ADORA2B: variants seen among roughly 807,000 people sequenced by gnomAD.
ADORA2B encodes adenosine receptor A2b.
A neutral mutation model predicts 20.8 loss-of-function variants in ADORA2B; 18 were observed. That is an observed-to-expected ratio of 0.87 (90% CI 0.60 to 1.29). The LOEUF is 1.29. ADORA2B is among the 50% of genes most tolerant of loss of function. ADORA2B has a pLI of 0.00. For missense variants in ADORA2B, 441 were observed against 422.7 expected (o/e 1.04, Z -0.38); for synonymous variants, 179 against 178.3 (o/e 1.00, Z -0.03).
the ADORA2B span, among the ~76,000 whole-genome samples, chr17:15,859,218 C>A: frequency 6.6e-6 from 1 of 152,098 alleles, no homozygotes; most frequent in African/African-American, 2.4e-5. Context: ...CCCCACTTAG[C>A]CCCCTCCAGG....
At chr17:15,872,980 T>C in the ADORA2B span, among the ~76,000 whole-genome samples, 2 of 152,196 alleles carry the variant, frequency 1.3e-5, no homozygotes, top group Non-Finnish European at 2.9e-5. Context: ...GTCTTGTTCC[T>C]GTTCTCATGG....
At chr17:15,895,980 C>T in the ADORA2B span, among the ~76,000 whole-genome samples, 1 of 152,156 alleles carries the variant, frequency 6.6e-6, no homozygotes, top group Non-Finnish European at 1.5e-5. Context: ...ACTCCACCTG[C>T]CAGTCCAGGG....
intron 1 of ADORA2B, among the ~76,000 whole-genome samples, chr17:15,957,749 G>T (rs964492841): frequency 6.6e-6 from 1 of 152,068 alleles, no homozygotes; most frequent in Non-Finnish European, 1.5e-5. Flanking sequence ...CTGCACAGCA[G>T]CCTCTTCCCT....
the ADORA2B span, among the ~76,000 whole-genome samples, chr17:15,855,837 T>C: frequency 6.6e-6 from 1 of 152,070 alleles, no homozygotes; most frequent in African/African-American, 2.4e-5. Flanking sequence ...TTTCAACCTT[T>C]GCCCCCCTCC....
chr17:15,886,243 G>GTATTTATTTATTTATTTATTTTTTGTAT, the ADORA2B span, among the ~76,000 whole-genome samples: 1 of 132,876 alleles, frequency 7.5e-6, no homozygotes, highest in African/African-American at 3.1e-5. Context: ...GAATCTTGTA[G>GTATTTATTTATTTATTTATTTTTTGTAT]TGGCTCGCCC....
intron 1 of ADORA2B, among the ~76,000 whole-genome samples, chr17:15,960,285 T>C (rs1290313064): frequency 1.7e-5 from 2 of 116,506 alleles, no homozygotes; most frequent in African/African-American, 6.2e-5. Context: ...CCGGGCGCGG[T>C]GGCTCACGCC....
the ADORA2B span, among the ~76,000 whole-genome samples, chr17:15,894,838 G>T: frequency 1.8e-4 from 27 of 152,278 alleles, no homozygotes; most frequent in African/African-American, 5.5e-4. Flanking sequence ...AATGGTCATG[G>T]TAATGACAAT....
chr17:15,864,008 T>A, the ADORA2B span: 297 of 193,704 alleles, frequency 1.5e-3, 1 homozygote, highest in African/African-American at 6.6e-3. Context: ...ATTTGAGGAT[T>A]CTAAACATTA....
the ADORA2B span, among the ~76,000 whole-genome samples, chr17:15,936,947 C>T: frequency 6.6e-6 from 1 of 152,164 alleles, no homozygotes; most frequent in Admixed American, 6.6e-5. Context: ...CAGAGTGAGA[C>T]TCTATCTCTA....
the ADORA2B span, among the ~76,000 whole-genome samples, chr17:15,851,513 G>T: frequency 6.6e-6 from 1 of 152,086 alleles, no homozygotes; most frequent in South Asian, 2.1e-4. Flanking sequence ...ACAGACCTAA[G>T]AATCTCCACT....
chr17:15,883,411 C>CT, the ADORA2B span, among the ~76,000 whole-genome samples: 5 of 152,218 alleles, frequency 3.3e-5, no homozygotes, highest in African/African-American at 1.2e-4. Flanking sequence ...GAATATGGGT[C>CT]TAACTCCACT....
At chr17:15,898,853 A>T in the ADORA2B span, among the ~76,000 whole-genome samples, 1 of 152,214 alleles carries the variant, frequency 6.6e-6, no homozygotes, top group Non-Finnish European at 1.5e-5. Flanking sequence ...GTTTGTGAAC[A>T]TTTTAACCAG....
At chr17:15,974,355 A>C (rs1970221677) in intron 1 of ADORA2B, 1 of 253,840 alleles carries the variant, frequency 3.9e-6, no homozygotes, top group African/African-American at 2.2e-5. Context: ...CATATACTTC[A>C]AGTCACAGTT....
the ADORA2B span, among the ~76,000 whole-genome samples, chr17:15,874,138 A>T: frequency 1.5e-4 from 22 of 148,806 alleles, no homozygotes; most frequent in East Asian, 3.4e-3. Flanking sequence ...ACACACACAC[A>T]CCATGGAATG....
At chr17:15,965,251 G>A (rs879524431) in intron 1 of ADORA2B, among the ~76,000 whole-genome samples, 1 of 152,186 alleles carries the variant, frequency 6.6e-6, no homozygotes, top group Non-Finnish European at 1.5e-5. Flanking sequence ...CCAAGTCCCA[G>A]GTGGGTGTTC....
At chr17:15,882,892 C>T in the ADORA2B span, among the ~76,000 whole-genome samples, 1 of 152,164 alleles carries the variant, frequency 6.6e-6, no homozygotes, top group African/African-American at 2.4e-5. Flanking sequence ...TGACACCACC[C>T]AACACCAAAG....
intron 1 of ADORA2B, among the ~76,000 whole-genome samples, chr17:15,964,020 T>G (rs899899480): frequency 2.6e-5 from 4 of 152,178 alleles, no homozygotes; most frequent in African/African-American, 9.7e-5. Flanking sequence ...AGACTCGGCC[T>G]GAAAGTAACC....
At chr17:15,943,351 C>A (rs1191127598), upstream of ADORA2B, among the ~76,000 whole-genome samples, 4 of 152,106 alleles carry the variant, frequency 2.6e-5, no homozygotes, top group African/African-American at 9.7e-5. Flanking sequence ...GAGACAGGGT[C>A]TCCCTCTTTT....
the ADORA2B span, among the ~76,000 whole-genome samples, chr17:15,876,265 C>T: frequency 1.3e-5 from 2 of 152,012 alleles, no homozygotes; most frequent in Non-Finnish European, 1.5e-5. Flanking sequence ...GGAATTGTTC[C>T]ATTGTCTTCT....
Sources: allele counts gnomAD v4.1 joint callset (sites outside exome capture counted in the v4.1 genomes callset), GRCh38; gene constraint gnomAD v4.1.1; transcripts MANE v1.5; gene names NCBI Gene and HGNC (gene_info 2026-07-23, HGNC 2026-07-21).